WDPCP: variants seen among roughly 807,000 people sequenced by gnomAD.
WDPCP encodes the protein WD repeat containing planar cell polarity effector.
A neutral mutation model predicts 93.1 loss-of-function variants in WDPCP; 71 were observed. That is an observed-to-expected ratio of 0.76 (90% CI 0.63 to 0.93). The LOEUF is 0.93. Ranked by LOEUF, WDPCP falls within the 40% of genes least tolerant of loss-of-function variation. The probability of loss-of-function intolerance (pLI) is 0.00; values close to 1 mark genes in which losing one functional copy is unlikely to be tolerated. For missense variants in WDPCP, 844 were observed against 887.4 expected (o/e 0.95, Z 0.62); for synonymous variants, 315 against 315.0 (o/e 1.00, Z 0.00).
intron 12 of WDPCP, among the ~76,000 whole-genome samples, chr2:63,335,719 C>A (rs538842635): frequency 6.6e-6 from 1 of 152,084 alleles, no homozygotes; most frequent in African/African-American, 2.4e-5. Context: ...GCACGTGAAC[C>A]GGAGCAACTC....
chr2:63,373,772 A>G (rs1335484021), intron 12 of WDPCP, among the ~76,000 whole-genome samples: 3 of 151,324 alleles, frequency 2.0e-5, no homozygotes, highest in African/African-American at 7.3e-5. Flanking sequence ...TTTATCCAAC[A>G]TTTTCCCTCT....
chr2:63,376,140 ATC>A (rs938999838), intron 12 of WDPCP, among the ~76,000 whole-genome samples: 53 of 152,114 alleles, frequency 3.5e-4, no homozygotes, highest in African/African-American at 1.3e-3. Context: ...AACTTAAGCT[ATC>A]TCATTTAATT....
chr2:63,741,213 CA>C (rs775803330), intron 2 of WDPCP, among the ~76,000 whole-genome samples: 7 of 152,072 alleles, frequency 4.6e-5, no homozygotes, highest in Non-Finnish European at 1.0e-4. Flanking sequence ...GCTGATCCTT[CA>C]AAAATACTGA....
Position 63,303,935 on chromosome 2 carries a change from T to C in WDPCP, c.1812+9313A>G, listed in dbSNP as rs573999505. On this transcript the variant is annotated intron_variant, in intron 13 of 17. Coordinates refer to ENST00000272321, the MANE Select transcript of WDPCP (RefSeq NM_015910.7). Reference sequence around the variant, plus strand: ...AAATTAAAACCACACTGACATTTCATCTTACATGACTCAGAATGGCTATTA... The same window carrying C: ...AAATTAAAACCACACTGACATTTCACCTTACATGACTCAGAATGGCTATTA... Among the ~76,000 whole-genome samples, 22 of 149,256 alleles carry C rather than the reference T, an allele frequency of 1.5e-4. 1 individual carries two copies. Among genetic ancestry groups the C allele is most frequent in the African/African-American group, 5.0e-4 (20 of 40,270 alleles).
intron 6 of WDPCP, among the ~76,000 whole-genome samples, chr2:63,449,723 C>A (rs1698106035): frequency 6.6e-6 from 1 of 152,068 alleles, no homozygotes. Context: ...TGTACTGGGT[C>A]ATGGACCCTA....
chr2:63,776,106 CATACATACAT>C (rs1670299178), intron 2 of WDPCP, among the ~76,000 whole-genome samples: 1 of 150,926 alleles, frequency 6.6e-6, no homozygotes, highest in Non-Finnish European at 1.5e-5. Context: ...TACATACATA[CATACATACAT>C]ACACAAGTTG....
chr2:63,805,216 C>T (rs1670747756), intron 2 of WDPCP, among the ~76,000 whole-genome samples: 1 of 152,094 alleles, frequency 6.6e-6, no homozygotes, highest in African/African-American at 2.4e-5. Flanking sequence ...AAGCATATTG[C>T]TTTCTACTGG....
Position 63,404,565 on chromosome 2 carries a change from T to TA in WDPCP, c.917dup (p.Ser307LysfsTer9), listed in dbSNP as rs745955925. On this transcript the variant is annotated frameshift_variant, in exon 10 of 18. Coordinates refer to ENST00000272321, the MANE Select transcript of WDPCP (RefSeq NM_015910.7). LOFTEE classifies it high-confidence loss of function. ...CAGCCATGGGCTCTTTGTCTACACT[T>TA]ACGGAGTGCTCCACTGTGAACACCT... 9 of 1,613,898 alleles carry TA rather than the reference T, an allele frequency of 5.6e-6. No individual in the cohort carries two copies. The highest frequency in any genetic ancestry group is 1.3e-5 in the African/African-American group (1 of 74,922).
chr2:63,315,468 A>G, intron 12 of WDPCP, among the ~76,000 whole-genome samples: 1 of 152,226 alleles, frequency 6.6e-6, no homozygotes, highest in East Asian at 1.9e-4. Context: ...TAAAATTAAC[A>G]TAAATTAAAA....
intron 15 of WDPCP, among the ~76,000 whole-genome samples, chr2:63,163,698 A>T (rs1037269329): frequency 2.0e-5 from 3 of 152,124 alleles, no homozygotes; most frequent in African/African-American, 7.2e-5. Flanking sequence ...GTTGGCAGGG[A>T]CAGTTTGTTT....
chr2:63,753,267 C>A (rs1461508153), intron 2 of WDPCP, among the ~76,000 whole-genome samples: 1 of 151,702 alleles, frequency 6.6e-6, no homozygotes, highest in Non-Finnish European at 1.5e-5. Flanking sequence ...CCCGTCTTTA[C>A]AAAAATACAA....
chr2:63,174,958 T>A (rs1673695406), intron 14 of WDPCP, 126 bp from the exon 15 acceptor site: 1 of 1,041,636 alleles, frequency 9.6e-7, no homozygotes, highest in Non-Finnish European at 1.4e-6. Context: ...AATTTCAAAA[T>A]CTTGTTGTCC....
intron 3 of WDPCP, among the ~76,000 whole-genome samples, chr2:63,621,716 A>G (rs1331614182): frequency 6.6e-6 from 1 of 152,156 alleles, no homozygotes; most frequent in Non-Finnish European, 1.5e-5. Context: ...CCCAAGACAC[A>G]TAATCATCAG....
At chr2:63,203,520 C>A (rs1194879921) in intron 14 of WDPCP, among the ~76,000 whole-genome samples, 1 of 151,922 alleles carries the variant, frequency 6.6e-6, no homozygotes, top group African/African-American at 2.4e-5. Context: ...TCCAATTATG[C>A]TCTTTTAGTT....
intron 17 of WDPCP, among the ~76,000 whole-genome samples, chr2:63,145,796 G>A (rs927113610): frequency 6.6e-6 from 1 of 152,174 alleles, no homozygotes; most frequent in African/African-American, 2.4e-5. Context: ...ATTGCTCTGG[G>A]TAGTATGGCC....
chr2:63,638,309 A>G (rs977492895), intron 3 of WDPCP, among the ~76,000 whole-genome samples: 2 of 150,420 alleles, frequency 1.3e-5, no homozygotes, highest in African/African-American at 2.5e-5. Context: ...TCTCTCTCTC[A>G]TTCTCTCTCT....
chr2:63,430,030 A>C (rs1279280206), intron 9 of WDPCP, among the ~76,000 whole-genome samples: 1 of 149,444 alleles, frequency 6.7e-6, no homozygotes, highest in African/African-American at 2.5e-5. Context: ...CACACCATGA[A>C]ATACTATGCA....
At chr2:63,711,333 C>G (rs1186061805) in intron 2 of WDPCP, among the ~76,000 whole-genome samples, 1 of 152,020 alleles carries the variant, frequency 6.6e-6, no homozygotes, top group African/African-American at 2.4e-5. Context: ...TAGTTGAAAC[C>G]ACTTTGAGAG....
chr2:63,490,517 G>C (rs1202709188), intron 2 of WDPCP, among the ~76,000 whole-genome samples: 2 of 152,162 alleles, frequency 1.3e-5, no homozygotes, highest in African/African-American at 2.4e-5. Flanking sequence ...TAGCAGGAAA[G>C]GCTTCTCTAA....
Sources: allele counts gnomAD v4.1 joint callset (sites outside exome capture counted in the v4.1 genomes callset), GRCh38; gene constraint gnomAD v4.1.1; transcripts MANE v1.5; gene names NCBI Gene and HGNC (gene_info 2026-07-23, HGNC 2026-07-21).